The following IGHMBP2 variants were observed in gnomAD, a reference collection of about 807,000 sequenced individuals.
IGHMBP2 encodes immunoglobulin mu DNA binding protein 2.
A neutral mutation model predicts 96.0 loss-of-function variants in IGHMBP2; 81 were observed. That is an observed-to-expected ratio of 0.84 (90% CI 0.71 to 1.01). The LOEUF (loss-of-function observed/expected upper bound fraction) is 1.01, where lower values mean the gene tolerates loss of function less well. Among genes scored for constraint, IGHMBP2 ranks in the 50% least tolerant of loss-of-function variants. The pLI, the probability that IGHMBP2 is intolerant of heterozygous loss-of-function variation, is 0.00. For missense variants in IGHMBP2, 1,227 were observed against 1,306.3 expected (o/e 0.94, Z 0.94); for synonymous variants, 557 against 548.9 (o/e 1.01, Z -0.21).
intron 5 of IGHMBP2, among the ~76,000 whole-genome samples, chr11:68,913,043 C>CAAAAAAAAAAAAAAA (rs71043469): frequency 2.7e-4 from 10 of 37,472 alleles, no homozygotes; most frequent in South Asian, 1.8e-3. Context: ...ACTCCATCTC[C>CAAAAAAAAAAAAAAA]AAAAAAAAAA....
In IGHMBP2 at chr11:68,911,525, C is replaced by T; in HGVS notation, c.633C>T (p.Ile211=). ...LFALSQKELA[I]IHGPPGTGKT... ...CGCTGTCTCAGAAAGAACTTGCCAT[C>T]ATCCATGGACCTCCTGGCACTGGGA... is the stretch of plus-strand genomic sequence containing the variant. The change falls in exon 5 of 15, where the codon ATC becomes ATT. Residue 211 remains isoleucine (I), a synonymous_variant. Coordinates refer to ENST00000255078, the MANE Select transcript of IGHMBP2 (RefSeq NM_002180.3). The T allele has an allele frequency of 6.2e-7, 1 of 1,614,046 alleles. No homozygotes were observed. Among genetic ancestry groups the T allele is most frequent in the Non-Finnish European group, 8.5e-7 (1 of 1,179,860 alleles).
intron 7 of IGHMBP2, among the ~76,000 whole-genome samples, chr11:68,922,149 G>A (rs1423374194): frequency 1.3e-5 from 2 of 151,844 alleles, no homozygotes; most frequent in Non-Finnish European, 2.9e-5. Flanking sequence ...TGGCCCACAT[G>A]TACTAAAAAT....
At chr11:68,930,314 G>A (rs1859237194) in intron 8 of IGHMBP2, 2 of 1,289,666 alleles carry the variant, frequency 1.6e-6, no homozygotes, top group Non-Finnish European at 2.0e-6. Context: ...TTTCACTGTG[G>A]GTGTGTAGAA....
intron 7 of IGHMBP2, among the ~76,000 whole-genome samples, chr11:68,924,720 G>C (rs1859000379): frequency 6.6e-6 from 1 of 152,194 alleles, no homozygotes; most frequent in African/African-American, 2.4e-5. Context: ...GTTATCAAGG[G>C]TGTCACATCT....
chr11:68,904,868 G>A (rs1302616767), intron 1 of IGHMBP2, among the ~76,000 whole-genome samples: 1 of 146,046 alleles, frequency 6.8e-6, no homozygotes, highest in Non-Finnish European at 1.5e-5. Context: ...GCACGATCTC[G>A]GCTTACTGCA....
chr11:68,924,018 C>G (rs1858973554), intron 7 of IGHMBP2, among the ~76,000 whole-genome samples: 2 of 152,194 alleles, frequency 1.3e-5, no homozygotes, highest in South Asian at 4.1e-4. Context: ...AGGCAGAAAG[C>G]TGGGGTAACC....
chr11:68,908,570 A>G lies in IGHMBP2; in HGVS notation c.486A>G (p.Pro162=). ...CTCTAAAGAAGTATCATTCTGGCCCAGCCTCCTCACTCATAGAAGTGCTCT... is the reference window on the plus strand; with the variant it reads ...CTCTAAAGAAGTATCATTCTGGCCCGGCCTCCTCACTCATAGAAGTGCTCT... ...LIALKKYHSG[P]ASSLIEVLFG... Residue 162 remains proline (P), a synonymous_variant, in exon 4 of 15, where the codon CCA becomes CCG. Coordinates refer to ENST00000255078, the MANE Select transcript of IGHMBP2 (RefSeq NM_002180.3). 6.2e-7 allele frequency: 1 copy of G among 1,614,046 alleles called. No homozygotes were observed. Among genetic ancestry groups the G allele is most frequent in the Non-Finnish European group, 8.5e-7 (1 of 1,179,930 alleles).
intron 11 of IGHMBP2, 79 bp from the exon 12 acceptor site, chr11:68,935,220 C>T: frequency 6.3e-7 from 1 of 1,578,390 alleles, no homozygotes; most frequent in South Asian, 1.1e-5. Flanking sequence ...AGCGTGAGGC[C>T]CTCTGCTGAG....
rs1374590820 is a variant in IGHMBP2, at chr11:68,917,866, T to C, written c.1043T>C (p.Val348Ala). Reference sequence around the variant, plus strand: ...GAGAGCCTCACTTCGGCAAACGTGGTCCTTGCAACAAACACAGGTGAGGGG... The same window carrying C: ...GAGAGCCTCACTTCGGCAAACGTGGCCCTTGCAACAAACACAGGTGAGGGG... ...MLESLTSANV[V>A]LATNTGASAD... Residue 348 changes from valine to alanine, a missense_variant, in exon 7 of 15, where the codon GTC becomes GCC. Val to Ala is a moderately conservative substitution (Grantham distance 64, BLOSUM62 0). This residue lies in a region of IGHMBP2 where 507 missense variants were observed against 496.9 expected (regional missense o/e 1.02). Coordinates refer to ENST00000255078, the MANE Select transcript of IGHMBP2 (RefSeq NM_002180.3). 1 of 1,614,090 alleles carries C rather than the reference T, an allele frequency of 6.2e-7. No individual in the cohort carries two copies. Among genetic ancestry groups the C allele is most frequent in the Admixed American group, 1.7e-5 (1 of 60,020 alleles).
At chr11:68,930,426 A>T (rs1859245514) in intron 8 of IGHMBP2, 2 of 1,289,608 alleles carry the variant, frequency 1.6e-6, no homozygotes, top group Non-Finnish European at 2.0e-6. Context: ...GCAGCCCAGG[A>T]GTTGGCGGGT....
chr11:68,925,458 T>A (rs146483556), intron 7 of IGHMBP2, among the ~76,000 whole-genome samples: 1 of 152,152 alleles, frequency 6.6e-6, no homozygotes, highest in Non-Finnish European at 1.5e-5. Context: ...TAGATTCTAA[T>A]TGGCTTTGTA....
chr11:68,930,248 C>T, intron 8 of IGHMBP2: 1 of 1,273,388 alleles, frequency 7.9e-7, no homozygotes, highest in Non-Finnish European at 1.0e-6. Flanking sequence ...CCCTCACTTC[C>T]ACCGGGGGAA....
intron 5 of IGHMBP2, among the ~76,000 whole-genome samples, chr11:68,912,258 A>G (rs1858468870): frequency 6.6e-6 from 1 of 152,070 alleles, no homozygotes; most frequent in Admixed American, 6.6e-5. Flanking sequence ...CAGCCTCCCG[A>G]ACAGCTGGGA....
chr11:68,911,708 C>T, intron 5 of IGHMBP2, 105 bp downstream of exon 5: 1 of 1,039,156 alleles, frequency 9.6e-7, no homozygotes, highest in South Asian at 1.3e-5. Context: ...TGGGATGGGT[C>T]AGGAACATTA....
At chr11:68,934,588 G>A (rs938000878) in intron 11 of IGHMBP2, 30 bp downstream of exon 11, 1 of 1,498,778 alleles carries the variant, frequency 6.7e-7, no homozygotes, top group African/African-American at 1.4e-5. Flanking sequence ...TCCCTCTACA[G>A]AGCAGCTGGG....
intron 10 of IGHMBP2, chr11:68,934,228 G>C: frequency 1.6e-6 from 1 of 631,632 alleles, no homozygotes; most frequent in Non-Finnish European, 2.9e-6. Context: ...GTTCCACGTT[G>C]AACAGGATGC....
chr11:68,916,571 A>G (rs1277258866), intron 6 of IGHMBP2, among the ~76,000 whole-genome samples: 1 of 150,360 alleles, frequency 6.7e-6, no homozygotes, highest in Non-Finnish European at 1.5e-5. Flanking sequence ...CTTTGCTCTA[A>G]TGTCTGTGCT....
rs373130551 is a variant in IGHMBP2, at chr11:68,937,421, G to A, written c.2611+330G>A. ...AGCCCCTCGGGAATGGAGCGATCAC[G>A]GGGTCCCATGCAACATGTGGCCCTG... On this transcript the variant is annotated intron_variant, in intron 13 of 14. Coordinates refer to ENST00000255078, the MANE Select transcript of IGHMBP2 (RefSeq NM_002180.3). Among the ~76,000 whole-genome samples the A allele has an allele frequency of 2.4e-4, 37 of 152,344 alleles. No homozygotes were observed. The Middle Eastern group carries it at 0.01, about 42-fold the overall frequency.
intron 5 of IGHMBP2, 100 bp downstream of exon 5, chr11:68,911,703 T>TG (rs1382570971): frequency 1.8e-6 from 2 of 1,112,176 alleles, no homozygotes; most frequent in African/African-American, 3.1e-5. Flanking sequence ...TCTGGTGGGA[T>TG]GGGTCAGGAA....
Sources: allele counts gnomAD v4.1 joint callset (sites outside exome capture counted in the v4.1 genomes callset), GRCh38; gene constraint gnomAD v4.1.1; regional missense constraint gnomAD v4.1.1; transcripts MANE v1.5; gene names NCBI Gene and HGNC (gene_info 2026-07-23, HGNC 2026-07-21).